The following FKBP15 variants were observed in gnomAD, a reference collection of about 807,000 sequenced individuals.
FKBP15 encodes the protein FK506-binding protein 15.
Under a neutral mutation model 158.1 loss-of-function variants are expected in FKBP15, and 106 were observed. The observed-to-expected ratio is 0.67, with a 90% CI of 0.57 to 0.79. The LOEUF is 0.79. Ranked by LOEUF, FKBP15 falls within the 30% of genes least tolerant of loss-of-function variation. FKBP15 has a pLI of 0.00. For synonymous variants in FKBP15, 547 were observed against 548.6 expected (o/e 1.00, Z 0.04); for missense variants, 1,287 against 1,479.1 (o/e 0.87, Z 2.13).
intron 2 of FKBP15, among the ~76,000 whole-genome samples, chr9:113,209,098 T>C (rs1221231527): frequency 6.6e-6 from 1 of 151,798 alleles, no homozygotes. Flanking sequence ...GAAAACTGTA[T>C]AGGCAATCTT....
At chr9:113,196,380 A>ATTTTTTTTTTTTTTT (rs1830682776) in intron 9 of FKBP15, among the ~76,000 whole-genome samples, 1 of 127,446 alleles carries the variant, frequency 7.8e-6, no homozygotes, top group Non-Finnish European at 1.6e-5. Context: ...TGAAGAAGTG[A>ATTTTTTTTTTTTTTT]CTTTTTTTTT....
intron 12 of FKBP15, 126 bp from the exon 13 acceptor site, chr9:113,188,617 A>C: frequency 1.4e-6 from 1 of 733,110 alleles, no homozygotes; most frequent in Non-Finnish European, 2.3e-6. Flanking sequence ...AGGAAAGGTA[A>C]GCGGAAGGCC....
At chr9:113,203,057 T>C (rs754215764) in intron 4 of FKBP15, 22 bp from the exon 5 acceptor site, 8 of 1,472,994 alleles carry the variant, frequency 5.4e-6, no homozygotes, top group South Asian at 3.8e-5. Flanking sequence ...CAACGACAGA[T>C]AGAAAAAAAA....
At position 113,161,489 on chromosome 9, in the gene FKBP15, AACTCTGCCTCCTTTGACAGG is replaced by A. The variant is rs768819888; in HGVS notation, c.*4569_*4588del. ...AGTGCTGGCCTGGCCAGGTCTCCACAACTCTGCCTCCTTTGACAGGCATGGCCCTTTCGGTGTTGGTGCTC... is the reference window on the plus strand; with the variant it reads ...AGTGCTGGCCTGGCCAGGTCTCCACACATGGCCCTTTCGGTGTTGGTGCTC... On this transcript the variant is annotated 3_prime_UTR_variant, in exon 28 of 28. Transcript: ENST00000238256. 6.2e-7 allele frequency: 1 copy of A among 1,613,014 alleles called. No homozygotes were observed. Among genetic ancestry groups the A allele is most frequent in the Non-Finnish European group, 8.5e-7 (1 of 1,179,534 alleles).
rs1195164238 is a variant in FKBP15, at chr9:113,169,820, G to A, written c.2889C>T (p.Ala963=). The change falls in exon 26 of 28, where the codon GCC becomes GCT. Residue 963 remains alanine, a synonymous_variant. Transcript: ENST00000238256. ...GGGGTGCTTGAGGCTGCCCAGAACT[G>A]GCTGAGGCTGACTGCTCCTGGGAAG... ...RRPSQEQSAS[A]SSGQPQAPLN... 4.5e-6 allele frequency: 7 copies of A among 1,565,476 alleles called. No homozygotes were observed. In the African/African-American group the frequency reaches 6.8e-5, roughly 15 times the overall value.
rs1441281473 is a variant in FKBP15, at chr9:113,165,341, A to T, written c.*737T>A. ...TGCCCCAGGGATGAGCTAGGACTACAGTGGTGACTTTCTTTGAAAGCCTAA... is the reference window on the plus strand; with the variant it reads ...TGCCCCAGGGATGAGCTAGGACTACTGTGGTGACTTTCTTTGAAAGCCTAA... On this transcript the variant is annotated 3_prime_UTR_variant, in exon 28 of 28. Coordinates refer to ENST00000238256, the MANE Select transcript of FKBP15 (RefSeq NM_015258.2). 6.6e-6 allele frequency: 1 copy of T among 152,244 alleles called. No individual in the cohort carries two copies. Among genetic ancestry groups the T allele is most frequent in the Non-Finnish European group, 1.5e-5 (1 of 68,060 alleles). 9.4% of individuals were successfully genotyped at this position (152,244 alleles called of 1,614,324 possible). A position where few individuals can be genotyped will look rare whatever the true frequency, so the allele number is the denominator to read the frequency against.
chr9:113,213,352 T>G (rs1831052833), intron 1 of FKBP15, among the ~76,000 whole-genome samples: 1 of 150,634 alleles, frequency 6.6e-6, no homozygotes, highest in Admixed American at 6.6e-5. Flanking sequence ...GATGTTGCAG[T>G]GAGCTGAGAT....
chr9:113,175,482 A>G (rs570159793), intron 21 of FKBP15, among the ~76,000 whole-genome samples: 2 of 152,352 alleles, frequency 1.3e-5, no homozygotes, highest in Non-Finnish European at 2.9e-5. Context: ...AGATTTACTG[A>G]AGCCTCAGGA....
Position 113,206,459 on chromosome 9 carries a change from G to GATGTCCCA in FKBP15, c.324+49_324+50insTGGGACAT, listed in dbSNP as rs765144969. The GATGTCCCA allele has an allele frequency of 4.2e-6, 6 of 1,442,744 alleles. 1 individual carries two copies. In the South Asian group the frequency reaches 4.6e-5, roughly 11 times the overall value. 89.4% of individuals were successfully genotyped at this position (1,442,744 alleles called of 1,614,324 possible). On this transcript the variant is annotated intron_variant, in intron 4 of 27. Coordinates refer to ENST00000238256, the MANE Select transcript of FKBP15 (RefSeq NM_015258.2). ...CAAGCCAGATAAAAGCCAGCTCATT[G>GATGTCCCA]GTATTATTTGGGACATCTGAATATA...
At chr9:113,176,048 A>T (rs1331052951) in intron 21 of FKBP15, among the ~76,000 whole-genome samples, 1 of 152,248 alleles carries the variant, frequency 6.6e-6, no homozygotes, top group East Asian at 1.9e-4. Context: ...TTGCAAAAAC[A>T]GTTATATAAT....
chr9:113,192,744 C>A (rs1830599644), intron 11 of FKBP15, among the ~76,000 whole-genome samples: 1 of 152,130 alleles, frequency 6.6e-6, no homozygotes, highest in Admixed American at 6.5e-5. Flanking sequence ...ATTTTATTTA[C>A]AAGTCATAAA....
At chr9:113,176,502 C>A in intron 21 of FKBP15, 35 bp downstream of exon 21, 1 of 1,538,972 alleles carries the variant, frequency 6.5e-7, no homozygotes. Context: ...GTTTATTAAA[C>A]AGCTAATTCT....
rs369072035 is a variant in FKBP15, at chr9:113,168,349, CAG to C, written c.3582+109_3582+110del. On this transcript the variant is annotated intron_variant, in intron 27 of 27. Transcript: ENST00000238256. ...GCCTGCTCCCACAGGGCCCTGCACA[CAG>C]AGTCCAGGGAGTGGGCCACCAACAG... 4.4e-6 allele frequency: 4 copies of C among 900,424 alleles called. No individual in the cohort carries two copies. The African/African-American group carries it at 5.0e-5, about 11-fold the overall frequency. 55.8% of individuals were successfully genotyped at this position (900,424 alleles called of 1,614,324 possible).
chr9:113,168,916 C>T (rs1830145724), intron 26 of FKBP15, among the ~76,000 whole-genome samples: 1 of 151,932 alleles, frequency 6.6e-6, no homozygotes, highest in Admixed American at 6.5e-5. Context: ...CTCCACTTGA[C>T]TGTCACTCCT....
chr9:113,218,885 T>A (rs927511963), intron 1 of FKBP15, among the ~76,000 whole-genome samples: 18 of 152,222 alleles, frequency 1.2e-4, no homozygotes, highest in African/African-American at 4.3e-4. Context: ...CTTTCTACCA[T>A]CTTTAGACTG....
intron 1 of FKBP15, among the ~76,000 whole-genome samples, chr9:113,215,222 C>T (rs1831095223): frequency 6.6e-6 from 1 of 152,174 alleles, no homozygotes; most frequent in Admixed American, 6.6e-5. Context: ...ACACGCCTTC[C>T]TCACAAAGCT....
In FKBP15 at chr9:113,169,244, G is replaced by A. The variant is rs953904637; in HGVS notation, c.3465C>T (p.Ser1155=). The change falls in exon 26 of 28, where the codon AGC becomes AGT. Residue 1155 remains serine, a synonymous_variant. Coordinates refer to ENST00000238256, the MANE Select transcript of FKBP15 (RefSeq NM_015258.2). ...CATACCTGGAACGCTGGGAATGATG[G>A]CTGGGTCTGAGGGCTGCTCCTGCAA... is the stretch of plus-strand genomic sequence containing the variant. ...STVAGAALRP[S]HHSQRSSLSG... 1.9e-6 allele frequency: 3 copies of A among 1,613,576 alleles called. No homozygotes were observed. The highest frequency in any genetic ancestry group is 1.7e-6 in the Non-Finnish European group (2 of 1,179,622).
chr9:113,163,116 G>A lies in FKBP15; in HGVS notation c.*2962C>T, dbSNP rs1128774. ...CAACCTTCCTTCTCAGCCAGCCTAC[G>A]TAGGGCCCAGGCATGGTCTTGTGTC... is the stretch of plus-strand genomic sequence containing the variant. On this transcript the variant is annotated 3_prime_UTR_variant, in exon 28 of 28. Transcript: ENST00000238256. The A allele has an allele frequency of 0.81, 406,143 of 500,062 alleles. 165,711 individuals are homozygous for A. Among genetic ancestry groups the A allele is most frequent in the East Asian group, 0.88 (25,678 of 29,178 alleles). The allele number at this position is 500,062 out of a possible 1,614,324, so 31.0% of individuals were successfully genotyped here.
rs981654001 is a variant in FKBP15, at chr9:113,190,481, G to T, written c.1163C>A (p.Ser388Ter). 3.0e-5 allele frequency: 48 copies of T among 1,609,480 alleles called. No homozygotes were observed. Among genetic ancestry groups the T allele is most frequent in the Non-Finnish European group, 4.1e-5 (48 of 1,177,644 alleles). ...ILPPQLDSND[S>*]EIEDVNTLQG... The stretch of plus-strand genomic sequence containing the variant: ...GCCAGGGGGACATACTTCGATTTCT[G>T]AATCATTGGAATCCAGCTGTGGTGG... The change falls in exon 12 of 28, where the codon TCA becomes TAA. Residue 388 changes from serine to a stop codon, truncating the protein, a stop_gained. Coordinates refer to ENST00000238256, the MANE Select transcript of FKBP15 (RefSeq NM_015258.2). LOFTEE classifies it high-confidence loss of function.
Sources: allele counts gnomAD v4.1 joint callset (sites outside exome capture counted in the v4.1 genomes callset), GRCh38; gene constraint gnomAD v4.1.1; transcripts MANE v1.5; gene names NCBI Gene and HGNC (gene_info 2026-07-23, HGNC 2026-07-21).